LRRTM3: variants seen among roughly 807,000 people sequenced by gnomAD.
LRRTM3 encodes the protein leucine rich repeat transmembrane neuronal 3, also known as leucine-rich repeat transmembrane neuronal protein 3.
LRRTM3 carries 24 observed loss-of-function variants against 44.7 expected under a neutral mutation model. The observed-to-expected ratio is 0.54, with a 90% CI of 0.39 to 0.76. LRRTM3 has a LOEUF of 0.76. Among genes scored for constraint, LRRTM3 ranks in the 30% least tolerant of loss-of-function variants. The pLI, the probability that LRRTM3 is intolerant of heterozygous loss-of-function variation, is 0.00. For missense variants in LRRTM3, 587 were observed against 702.2 expected (o/e 0.84, Z 1.85); for synonymous variants, 277 against 278.7 (o/e 0.99, Z 0.06).
At chr10:67,016,317 T>A (rs1283618814) in intron 2 of LRRTM3, among the ~76,000 whole-genome samples, 1 of 152,226 alleles carries the variant, frequency 6.6e-6, no homozygotes, top group African/African-American at 2.4e-5. Context: ...AACTCAAACA[T>A]CTTCTTTCCA....
chr10:66,935,857 T>A (rs1449139515), intron 2 of LRRTM3, among the ~76,000 whole-genome samples: 1 of 149,910 alleles, frequency 6.7e-6, no homozygotes, highest in Non-Finnish European at 1.5e-5. Flanking sequence ...ATTAATCCTA[T>A]ACATTTTCAC....
At chr10:67,015,074 G>T (rs938745368) in intron 2 of LRRTM3, among the ~76,000 whole-genome samples, 3 of 152,042 alleles carry the variant, frequency 2.0e-5, no homozygotes, top group Non-Finnish European at 4.4e-5. Context: ...AACTTTAGGA[G>T]GTTAGAATCA....
In LRRTM3 at chr10:67,100,658, G is replaced by A. The variant is rs1211356698; in HGVS notation, c.*2862G>A. ...TATGTTTGGAGCTGAAAAATGGAAAGTTTCACCCAGCATGGTTACAATAAC... is the reference window on the plus strand; with the variant it reads ...TATGTTTGGAGCTGAAAAATGGAAAATTTCACCCAGCATGGTTACAATAAC... On this transcript the variant is annotated 3_prime_UTR_variant, in exon 3 of 3. Coordinates refer to ENST00000361320, the MANE Select transcript of LRRTM3 (RefSeq NM_178011.5). Among the ~76,000 whole-genome samples the A allele has an allele frequency of 1.3e-5, 2 of 151,572 alleles. No individual in the cohort carries two copies. Among genetic ancestry groups the A allele is most frequent in the Admixed American group, 1.3e-4 (2 of 15,148 alleles).
At chr10:67,040,835 C>T (rs139089610) in intron 2 of LRRTM3, among the ~76,000 whole-genome samples, 196 of 152,204 alleles carry the variant, frequency 1.3e-3, no homozygotes, top group African/African-American at 4.5e-3. Flanking sequence ...AAGCACACAT[C>T]AGTTCAACCT....
chr10:67,007,091 C>CA (rs1262593038), intron 2 of LRRTM3, among the ~76,000 whole-genome samples: 1 of 152,124 alleles, frequency 6.6e-6, no homozygotes, highest in African/African-American at 2.4e-5. Context: ...CCACCACACC[C>CA]AGCTTACAGT....
intron 2 of LRRTM3, among the ~76,000 whole-genome samples, chr10:66,933,946 GGAT>G (rs1847549307): frequency 6.6e-6 from 1 of 152,106 alleles, no homozygotes; most frequent in African/African-American, 2.4e-5. Flanking sequence ...ATCAGAGAGA[GGAT>G]GATGGTTTTT....
chr10:66,935,305 G>T (rs1005280768), intron 2 of LRRTM3, among the ~76,000 whole-genome samples: 1 of 152,010 alleles, frequency 6.6e-6, no homozygotes. Flanking sequence ...CCTCTCTAAG[G>T]TACAACAGTG....
At chr10:67,065,003 G>A (rs1488362015) in intron 2 of LRRTM3, among the ~76,000 whole-genome samples, 2 of 152,074 alleles carry the variant, frequency 1.3e-5, no homozygotes, top group African/African-American at 4.8e-5. Flanking sequence ...AATTTCCACA[G>A]CTTCCATATA....
chr10:66,927,712 G>A lies in LRRTM3; in HGVS notation c.796G>A (p.Glu266Lys). The part of the protein sequence containing the change: ...QRLDLSGNEI[E>K]AFSGPSVFQC... ...GCTTGATTTATCAGGCAATGAGATC[G>A]AAGCTTTCAGTGGACCCAGTGTTTT... Residue 266 changes from glutamate to lysine, a missense_variant, in exon 2 of 3, where the codon GAA becomes AAA. Around this residue, in one of 3 missense-constraint regions of LRRTM3, gnomAD observed 222 missense variants for 323.3 expected, o/e 0.69. Transcript: ENST00000361320. This position sits in a 1 kb window ranked among gnomAD's most constrained non-coding sequence, Gnocchi z 4.7. The A allele has an allele frequency of 1.9e-6, 3 of 1,614,146 alleles. No individual in the cohort carries two copies. Among genetic ancestry groups the A allele is most frequent in the Non-Finnish European group, 2.5e-6 (3 of 1,180,040 alleles).
At chr10:67,067,489 A>C (rs2131836914) in intron 2 of LRRTM3, among the ~76,000 whole-genome samples, 1 of 152,306 alleles carries the variant, frequency 6.6e-6, no homozygotes, top group African/African-American at 2.4e-5. Context: ...TTAGTCCACA[A>C]AGTTTGGCAG....
intron 2 of LRRTM3, among the ~76,000 whole-genome samples, chr10:67,064,994 A>G (rs1270172983): frequency 6.6e-6 from 1 of 152,122 alleles, no homozygotes; most frequent in Non-Finnish European, 1.5e-5. Context: ...GAGCCATATA[A>G]TTTCCACAGC....
At chr10:67,007,390 T>A (rs1388943159) in intron 2 of LRRTM3, among the ~76,000 whole-genome samples, 2 of 149,702 alleles carry the variant, frequency 1.3e-5, no homozygotes, top group Admixed American at 6.6e-5. Context: ...TTTTATTGGC[T>A]TCAATCTGAC....
intron 2 of LRRTM3, among the ~76,000 whole-genome samples, 181 bp downstream of exon 2, chr10:66,928,633 T>C (rs1847207530): frequency 1.3e-5 from 2 of 152,150 alleles, no homozygotes; most frequent in African/African-American, 4.8e-5. Context: ...CATTTTCCTC[T>C]CATACATAAT....
At chr10:66,983,183 C>G (rs541289141) in intron 2 of LRRTM3, among the ~76,000 whole-genome samples, 13 of 152,250 alleles carry the variant, frequency 8.5e-5, no homozygotes, top group South Asian at 4.1e-4. Context: ...ACTGCAGTGT[C>G]TACAGCTCAG....
chr10:67,077,636 G>C (rs114303119), intron 2 of LRRTM3, among the ~76,000 whole-genome samples: 1,598 of 152,226 alleles, frequency 0.01, 29 homozygotes, highest in African/African-American at 0.036. Flanking sequence ...CTGAAAGACT[G>C]GTTCCCTGTA....
intron 2 of LRRTM3, among the ~76,000 whole-genome samples, chr10:67,077,613 A>G (rs538336542): frequency 1.3e-5 from 2 of 152,198 alleles, no homozygotes; most frequent in Non-Finnish European, 2.9e-5. Flanking sequence ...AAAATCTTCT[A>G]TGATGCAACT....
chr10:66,944,609 A>C (rs577725968), intron 2 of LRRTM3, among the ~76,000 whole-genome samples: 3 of 152,298 alleles, frequency 2.0e-5, no homozygotes, highest in African/African-American at 7.2e-5. Flanking sequence ...AGATCCATCA[A>C]AGGAATTATT....
chr10:67,095,310 T>C (rs1857920019), intron 2 of LRRTM3, among the ~76,000 whole-genome samples: 3 of 151,728 alleles, frequency 2.0e-5, no homozygotes, highest in East Asian at 1.9e-4. Context: ...TGCTTATAAG[T>C]TCCATCCTAA....
rs1161523323 is a variant in LRRTM3 at position 66,967,039 on chromosome 10, T to G, written c.1536+38587T>G. ...TATAAGTTCATAGCGCAAAAAGAAATATTAAGTATAACATAGAACCTGGTA... is the reference window on the plus strand; with the variant it reads ...TATAAGTTCATAGCGCAAAAAGAAAGATTAAGTATAACATAGAACCTGGTA... On this transcript the variant is annotated intron_variant, in intron 2 of 2. Coordinates refer to ENST00000361320, the MANE Select transcript of LRRTM3 (RefSeq NM_178011.5). Among the ~76,000 whole-genome samples the G allele has an allele frequency of 5.4e-4, 82 of 152,046 alleles. 1 individual carries two copies. Among genetic ancestry groups the G allele is most frequent in the Admixed American group, 5.4e-3 (82 of 15,272 alleles).
Sources: gnomAD v4.1 joint callset for allele counts (sites outside exome capture counted in the v4.1 genomes callset) on GRCh38, gnomAD v4.1.1 for gene constraint, gnomAD v4.1.1 regional missense constraint, Gnocchi (gnomAD v3.1) non-coding constraint, MANE v1.5 for transcripts, NCBI Gene and HGNC (gene_info 2026-07-23, HGNC 2026-07-21) for gene names.